Variants in AP3B1 observed in about 807,000 individuals in gnomAD.
The protein encoded by AP3B1 is AP-3 complex subunit beta-1.
AP3B1 carries 61 observed loss-of-function variants against 132.5 expected under a neutral mutation model. That is an observed-to-expected ratio of 0.46 (90% CI 0.37 to 0.57). AP3B1 has a LOEUF of 0.57. Among genes scored for constraint, AP3B1 ranks in the 20% least tolerant of loss-of-function variants. The pLI is 0.00. For missense variants in AP3B1, 1,120 were observed against 1,289.4 expected, an observed-to-expected ratio of 0.87 and a Z score of 2.01; for synonymous variants, 388 against 438.3, an observed-to-expected ratio of 0.89 and a Z score of 1.43.
chr5:78,227,236 A>C (rs1746433933), intron 5 of AP3B1, 136 bp downstream of exon 5: 1 of 845,074 alleles, frequency 1.2e-6, no homozygotes, highest in African/African-American at 1.7e-5. Context: ...GCAGGGGGAA[A>C]TACCATCATA....
intron 7 of AP3B1, among the ~76,000 whole-genome samples, chr5:78,186,618 C>T (rs966156032): frequency 1.7e-4 from 26 of 152,100 alleles, no homozygotes; most frequent in Non-Finnish European, 2.8e-4. Context: ...AGATCTCTCT[C>T]AATTATTTCT....
At chr5:78,127,962 A>T in intron 17 of AP3B1, 68 bp downstream of exon 17, 2 of 1,574,728 alleles carry the variant, frequency 1.3e-6, no homozygotes, top group South Asian at 2.2e-5. Flanking sequence ...AAGCTTTTAT[A>T]TAAAACAATA....
chr5:78,256,121 A>G (rs1219105899), intron 2 of AP3B1, among the ~76,000 whole-genome samples: 1 of 152,044 alleles, frequency 6.6e-6, no homozygotes, highest in Admixed American at 6.5e-5. Context: ...AGGAACTAGA[A>G]AAGCAGGAGT....
In AP3B1 at chr5:78,039,271, T is replaced by C. The variant is rs756994406; in HGVS notation, c.2581A>G (p.Ser861Gly). The C allele has an allele frequency of 3.1e-6, 5 of 1,613,124 alleles. No homozygotes were observed. The highest frequency in any genetic ancestry group is 3.3e-5 in the Admixed American group (2 of 60,024). Residue 861 changes from serine (S) to glycine (G), a missense_variant, in exon 23 of 27, where the codon AGT becomes GGT. By Grantham distance (56) the Ser-to-Gly change is moderately conservative. Transcript: ENST00000255194. ...TTCGTTGGTACAAATGCAGGAGTAC[T>C]GACCTATTACACACGGCAAAAAGAA... The part of the protein sequence containing the change: ...LSTSSSVISV[S>G]TPAFVPTKTH...
chr5:78,260,576 G>A (rs570371760), intron 2 of AP3B1, among the ~76,000 whole-genome samples: 2 of 151,556 alleles, frequency 1.3e-5, no homozygotes, highest in African/African-American at 2.4e-5. Context: ...CCTGGGCCAC[G>A]GAGCGAGACT....
intron 23 of AP3B1, among the ~76,000 whole-genome samples, chr5:78,038,469 G>C (rs761086109): frequency 6.6e-6 from 1 of 151,928 alleles, no homozygotes; most frequent in African/African-American, 2.4e-5. Context: ...AAAAATAATC[G>C]CAAAAAAATC....
intron 22 of AP3B1, among the ~76,000 whole-genome samples, chr5:78,066,924 G>C (rs1223172256): frequency 6.6e-6 from 1 of 152,100 alleles, no homozygotes; most frequent in African/African-American, 2.4e-5. Context: ...AGAAAGGCCA[G>C]ATCACCTACA....
chr5:78,193,567 C>A (rs1291964713), intron 7 of AP3B1, among the ~76,000 whole-genome samples: 1 of 150,606 alleles, frequency 6.6e-6, no homozygotes, highest in Non-Finnish European at 1.5e-5. Flanking sequence ...TTTTAATATT[C>A]CCTCCATTTG....
intron 1 of AP3B1, among the ~76,000 whole-genome samples, chr5:78,285,157 G>A (rs1361872314): frequency 6.6e-6 from 1 of 151,820 alleles, no homozygotes; most frequent in Non-Finnish European, 1.5e-5. Context: ...GCTGAGGCAG[G>A]AGAATGGCGT....
chr5:78,088,257 A>G (rs775493652), intron 22 of AP3B1, among the ~76,000 whole-genome samples: 14 of 152,188 alleles, frequency 9.2e-5, no homozygotes, highest in Non-Finnish European at 2.1e-4. Context: ...CTTCTCCCTC[A>G]TATCTTTTAA....
intron 6 of AP3B1, among the ~76,000 whole-genome samples, chr5:78,218,053 A>G (rs957642296): frequency 1.3e-5 from 2 of 152,128 alleles, no homozygotes; most frequent in African/African-American, 2.4e-5. Flanking sequence ...TTAATTAAAT[A>G]GAACCAAATA....
At chr5:78,094,557 G>A (rs1434285064) in intron 21 of AP3B1, among the ~76,000 whole-genome samples, 1 of 151,962 alleles carries the variant, frequency 6.6e-6, no homozygotes, top group Non-Finnish European at 1.5e-5. Context: ...TGCTAGGGTT[G>A]CTGCCTTAGA....
At chr5:78,228,387 GATA>G (rs1401674528) in intron 3 of AP3B1, 148 bp from the exon 4 acceptor site, 1 of 616,646 alleles carries the variant, frequency 1.6e-6, no homozygotes, top group African/African-American at 1.9e-5. Context: ...TATTTTGTGG[GATA>G]ATAAGTACAA....
At chr5:78,240,800 TAAA>T (rs1747100011) in intron 3 of AP3B1, 59 bp downstream of exon 3, 3 of 1,155,798 alleles carry the variant, frequency 2.6e-6, no homozygotes, top group Non-Finnish European at 3.9e-6. Flanking sequence ...TTATACTACA[TAAA>T]AAGTGTACGG....
intron 21 of AP3B1, among the ~76,000 whole-genome samples, chr5:78,099,651 C>G (rs1002087195): frequency 1.3e-5 from 2 of 152,018 alleles, no homozygotes; most frequent in African/African-American, 4.8e-5. Flanking sequence ...AATCCCAGCA[C>G]GTTGGGAAGC....
intron 2 of AP3B1, among the ~76,000 whole-genome samples, chr5:78,265,438 G>C (rs1448169217): frequency 6.6e-6 from 1 of 151,804 alleles, no homozygotes; most frequent in Non-Finnish European, 1.5e-5. Context: ...GCAAGACCCT[G>C]TCTCTAAAAA....
chr5:78,138,009 G>A (rs1194747574), intron 15 of AP3B1, among the ~76,000 whole-genome samples: 1 of 151,896 alleles, frequency 6.6e-6, no homozygotes, highest in African/African-American at 2.4e-5. Flanking sequence ...CACTGTAATC[G>A]ACTCTCCCTA....
chr5:78,118,073 C>T (rs181069000), intron 17 of AP3B1, among the ~76,000 whole-genome samples: 71 of 152,224 alleles, frequency 4.7e-4, no homozygotes, highest in Non-Finnish European at 6.8e-4. Context: ...AGTTTTTAAA[C>T]GCTAATATAA....
chr5:78,228,199 T>A lies in AP3B1; in HGVS notation c.320A>T (p.Glu107Val), dbSNP rs1334873971. ...CAGGAGTGCAAGATCCTGCTGTTCT[T>A]CAGCATATCGAACCAGGTAAACATA... Reference protein sequence around the residue: ...LVYVYLVRYAEEQQDLALLSI... With the variant: ...LVYVYLVRYAVEQQDLALLSI... Residue 107 changes from glutamate to valine, a missense_variant, in exon 4 of 27, where the codon GAA becomes GTA. Physicochemically the swap from Glu to Val is moderately radical, Grantham distance 121. Transcript: ENST00000255194. The A allele has an allele frequency of 1.2e-6, 2 of 1,612,216 alleles. No homozygotes were observed.
Sources: gnomAD v4.1 joint callset for allele counts (sites outside exome capture counted in the v4.1 genomes callset) on GRCh38, gnomAD v4.1.1 for gene constraint, MANE v1.5 for transcripts, NCBI Gene and HGNC (gene_info 2026-07-23, HGNC 2026-07-21) for gene names.